Variants in TAGAP observed in about 807,000 individuals in gnomAD.
TAGAP encodes T cell activation RhoGTPase activating protein.
A neutral mutation model predicts 36.0 loss-of-function variants in TAGAP; 16 were observed. The ratio of observed to expected loss-of-function variants is 0.44; its 90% CI spans 0.30 to 0.68. TAGAP has a LOEUF of 0.68. TAGAP is among the 30% of genes least tolerant of loss of function. The pLI is 0.09. For synonymous variants in TAGAP, 372 were observed against 377.4 expected (o/e 0.99, Z 0.17); for missense variants, 794 against 921.5 (o/e 0.86, Z 1.79).
Position 159,041,279 on chromosome 6 carries a change from C to T in TAGAP, c.477+75G>A, listed in dbSNP as rs762047271. 8 of 1,556,282 alleles carry T rather than the reference C, an allele frequency of 5.1e-6. No individual in the cohort carries two copies. The highest frequency in any genetic ancestry group is 1.9e-5 in the Admixed American group (1 of 53,848). On this transcript the variant is annotated intron_variant, in intron 6 of 9. Transcript: ENST00000367066. The surrounding 1 kb of genome is among the most constrained non-coding windows in gnomAD (Gnocchi z 4.1). ...TACCTTGCTGTGTGGGGAGAAGAGC[C>T]TATTTCTTGCATCCTGAGAATGAGT... is the stretch of plus-strand genomic sequence containing the variant.
chr6:159,036,263 C>A lies in TAGAP; in HGVS notation c.1760G>T (p.Trp587Leu). 6.2e-7 allele frequency: 1 copy of A among 1,612,762 alleles called. No individual in the cohort carries two copies. Among genetic ancestry groups the A allele is most frequent in the South Asian group, 1.1e-5 (1 of 91,056 alleles). Residue 587 changes from tryptophan to leucine, a missense_variant, in exon 10 of 10, where the codon TGG becomes TTG. Coordinates refer to ENST00000367066, the MANE Select transcript of TAGAP (RefSeq NM_054114.5). This position sits in a 1 kb window ranked among gnomAD's most constrained non-coding sequence, Gnocchi z 4.9. ...SVDDVFQGAD[W>L]ERPGSPPSYE... is the part of the protein sequence containing the mutation. ...AGAGGGTGGGCTTCCAGGCCTCTCC[C>A]AGTCAGCTCCCTGGAACACATCATC... is the stretch of plus-strand genomic sequence containing the variant.
In TAGAP at chr6:159,041,381, G is replaced by A. The variant is rs1382853179; in HGVS notation, c.450C>T (p.Pro150=). 11 of 1,614,018 alleles carry A rather than the reference G, an allele frequency of 6.8e-6. No homozygotes were observed. The highest frequency in any genetic ancestry group is 1.7e-5 in the Admixed American group (1 of 60,022). The change falls in exon 6 of 10, where the codon CCC becomes CCT. Residue 150 remains proline (P), a synonymous_variant. Coordinates refer to ENST00000367066, the MANE Select transcript of TAGAP (RefSeq NM_054114.5). The surrounding 1 kb of genome is among the most constrained non-coding windows in gnomAD (Gnocchi z 4.1). ...SGDAVDLERL[P]VHLLAVVFKD... Reference sequence around the variant, plus strand: ...TAAAGACCACAGCGAGGAGGTGCACGGGGAGCCTCTCCAGATCCACCGCAT... The same window carrying A: ...TAAAGACCACAGCGAGGAGGTGCACAGGGAGCCTCTCCAGATCCACCGCAT...
At position 159,041,562 on chromosome 6, in the gene TAGAP, T is replaced by G. The variant is rs377374288; in HGVS notation, c.316-47A>C. The G allele has an allele frequency of 1.9e-6, 3 of 1,577,338 alleles. No individual in the cohort carries two copies. The highest frequency in any genetic ancestry group is 8.6e-7 in the Non-Finnish European group (1 of 1,161,104). On this transcript the variant is annotated intron_variant, in intron 5 of 9. Transcript: ENST00000367066. This position sits in a 1 kb window ranked among gnomAD's most constrained non-coding sequence, Gnocchi z 4.1. ...ACAGGAAAGGGTTACCCTTCTTCTT[T>G]AGTATACTGAGATAGTCTTAACAGG...
Position 159,041,006 on chromosome 6 carries a change from CCT to C in TAGAP, c.478-176_478-175del. 1 of 605,932 alleles carries C rather than the reference CCT, an allele frequency of 1.7e-6. No individual in the cohort carries two copies. Among genetic ancestry groups the C allele is most frequent in the South Asian group, 2.1e-5 (1 of 46,688 alleles). 37.5% of individuals were successfully genotyped at this position (605,932 alleles called of 1,614,324 possible). ...GGAACCCTCTCTCCAACACCCTTGG[CCT>C]CTCTGCAACTTTCTAACATCAGGCA... is the stretch of plus-strand genomic sequence containing the variant. On this transcript the variant is annotated intron_variant, in intron 6 of 9. Coordinates refer to ENST00000367066, the MANE Select transcript of TAGAP (RefSeq NM_054114.5). The surrounding 1 kb of genome is among the most constrained non-coding windows in gnomAD (Gnocchi z 4.1).
At chr6:159,040,629 G>A in intron 7 of TAGAP, 94 bp downstream of exon 7, 1 of 1,052,866 alleles carries the variant, frequency 9.5e-7, no homozygotes, top group Non-Finnish European at 1.5e-6. Context: ...AATTCTCATG[G>A]AACAGGGATC....
Position 159,037,967 on chromosome 6 carries a change from A to G in TAGAP, c.898+147T>C. On this transcript the variant is annotated intron_variant, in intron 9 of 9. Transcript: ENST00000367066. The surrounding 1 kb of genome is among the most constrained non-coding windows in gnomAD (Gnocchi z 5.1). ...GCCCGGAGCAGGGTTTTCATGTTTA[A>G]TGACTTCCTAATGGACTGGAGTCTA... 1 of 524,184 alleles carries G rather than the reference A, an allele frequency of 1.9e-6. No homozygotes were observed. 32.5% of individuals were successfully genotyped at this position (524,184 alleles called of 1,614,324 possible). A position where few individuals can be genotyped will look rare whatever the true frequency, so the allele number is the denominator to read the frequency against.
chr6:159,038,749 A>G (rs569918303), intron 8 of TAGAP, among the ~76,000 whole-genome samples: 9 of 152,300 alleles, frequency 5.9e-5, no homozygotes, highest in African/African-American at 1.9e-4. Flanking sequence ...TAAATTTAAG[A>G]ACTTAAAAAA....
Position 159,037,101 on chromosome 6 carries a change from AG to A in TAGAP, c.921del (p.Ser308GlnfsTer52). ...TCAGGGTCGTTGCTGTCGTAGGCTG[AG>A]TCATTCTGCAGGGTCGACACATCTG... Reference protein sequence around the residue: ...DSSDVSTLQNDSAYDSNDPDV... With the variant: ...DSSDVSTLQNXSAYDSNDPDV... On this transcript the variant is annotated frameshift_variant, in exon 10 of 10. Transcript: ENST00000367066. LOFTEE classifies it low-confidence loss of function (END_TRUNC). The surrounding 1 kb of genome is among the most constrained non-coding windows in gnomAD (Gnocchi z 5.1). 6.2e-7 allele frequency: 1 copy of A among 1,611,272 alleles called. No individual in the cohort carries two copies. The highest frequency in any genetic ancestry group is 8.5e-7 in the Non-Finnish European group (1 of 1,179,986).
rs754331104 is a variant in TAGAP, at chr6:159,036,099, G to A, written c.1924C>T (p.His642Tyr). ...CCCCTGTGTCTTGAGTCCTCTACGTGGTGAGCAGGTGGAAGAGGGGGTAGG... is the reference window on the plus strand; with the variant it reads ...CCCCTGTGTCTTGAGTCCTCTACGTAGTGAGCAGGTGGAAGAGGGGGTAGG... Reference protein sequence around the residue: ...CLLPPLPPAHHVEDSRHRGSK... With the variant: ...CLLPPLPPAHYVEDSRHRGSK... The change falls in exon 10 of 10, where the codon CAC becomes TAC. Residue 642 changes from histidine (H) to tyrosine (Y), a missense_variant. By Grantham distance (83) the His-to-Tyr change is moderately conservative (BLOSUM62 2). Coordinates refer to ENST00000367066, the MANE Select transcript of TAGAP (RefSeq NM_054114.5). The surrounding 1 kb of genome is among the most constrained non-coding windows in gnomAD (Gnocchi z 4.9). 2.3e-5 allele frequency: 37 copies of A among 1,613,698 alleles called. No homozygotes were observed. The highest frequency in any genetic ancestry group is 3.0e-5 in the Non-Finnish European group (35 of 1,179,848).
chr6:159,036,989 G>C lies in TAGAP; in HGVS notation c.1034C>G (p.Ala345Gly). The C allele has an allele frequency of 1.2e-6, 2 of 1,613,712 alleles. No homozygotes were observed. Among genetic ancestry groups the C allele is most frequent in the Non-Finnish European group, 1.7e-6 (2 of 1,179,914 alleles). Residue 345 changes from alanine to glycine, a missense_variant, in exon 10 of 10, where the codon GCG becomes GGG. Coordinates refer to ENST00000367066, the MANE Select transcript of TAGAP (RefSeq NM_054114.5). The surrounding 1 kb of genome is among the most constrained non-coding windows in gnomAD (Gnocchi z 4.9). ...PMATAAGLDSAGPQDAREVSP... is the reference protein window; with the variant it reads ...PMATAAGLDSGGPQDAREVSP... ...GACCTCTCGGGCATCCTGTGGGCCCGCGCTATCCAAGCCAGCAGCTGTGGC... is the reference window on the plus strand; with the variant it reads ...GACCTCTCGGGCATCCTGTGGGCCCCCGCTATCCAAGCCAGCAGCTGTGGC...
Position 159,035,039 on chromosome 6 carries a change from T to A in TAGAP, c.*788A>T, listed in dbSNP as rs2114778234. ...GCAATTTATTGTAGTGAAATTACAT[T>A]GAAGTTTTATATATGACCCCCAATG... is the stretch of plus-strand genomic sequence containing the variant. On this transcript the variant is annotated 3_prime_UTR_variant, in exon 10 of 10. Coordinates refer to ENST00000367066, the MANE Select transcript of TAGAP (RefSeq NM_054114.5). 6.6e-6 allele frequency: 1 copy of A among 152,456 alleles called. No individual in the cohort carries two copies. The highest frequency in any genetic ancestry group is 6.5e-5 in the Admixed American group (1 of 15,296). 9.4% of individuals were successfully genotyped at this position (152,456 alleles called of 1,614,324 possible). A position where few individuals can be genotyped will look rare whatever the true frequency, so the allele number is the denominator to read the frequency against.
In TAGAP at chr6:159,041,997, G is replaced by T. The variant is rs1164929902; in HGVS notation, c.315+81C>A. On this transcript the variant is annotated intron_variant, in intron 5 of 9. Transcript: ENST00000367066. This position sits in a 1 kb window ranked among gnomAD's most constrained non-coding sequence, Gnocchi z 4.1. ...AGATCAGTCCCTACAAACTTAATAG[G>T]AGAATGACATTCAGATTTCCCGAGT... 45 of 1,471,468 alleles carry T rather than the reference G, an allele frequency of 3.1e-5. No homozygotes were observed. The highest frequency in any genetic ancestry group is 4.1e-5 in the Non-Finnish European group (44 of 1,076,860). 91.2% of individuals were successfully genotyped at this position (1,471,468 alleles called of 1,614,324 possible). A position where few individuals can be genotyped will look rare whatever the true frequency, so the allele number is the denominator to read the frequency against.
chr6:159,035,935 G>T lies in TAGAP; in HGVS notation c.2088C>A (p.Thr696=), dbSNP rs1258228919. 6.2e-7 allele frequency: 1 copy of T among 1,614,014 alleles called. No homozygotes were observed. Among genetic ancestry groups the T allele is most frequent in the African/African-American group, 1.3e-5 (1 of 74,910 alleles). Residue 696 remains threonine, a synonymous_variant, in exon 10 of 10, where the codon ACC becomes ACA. Transcript: ENST00000367066. The part of the protein sequence containing the change: ...PGRPELLPLR[T]VSESVQRNKR... The stretch of plus-strand genomic sequence containing the variant: ...TATTCCTCTGCACGGACTCGGAGAC[G>T]GTCCTCAGCGGGAGGAGCTCAGGTC...
Position 159,044,494 on chromosome 6 carries a change from G to A in TAGAP, c.-58-290C>T, listed in dbSNP as rs114723847. Among the ~76,000 whole-genome samples, 872 of 152,066 alleles carry A rather than the reference G, an allele frequency of 5.7e-3. 5 individuals carry two copies. The highest frequency in any genetic ancestry group is 0.02 in the African/African-American group (831 of 41,460). ...CTAAACGTTGTTACCAATTTATTCCGTTCCATCAAGAGATAATCTGGATAT... is the reference window on the plus strand; with the variant it reads ...CTAAACGTTGTTACCAATTTATTCCATTCCATCAAGAGATAATCTGGATAT... On this transcript the variant is annotated intron_variant, in intron 1 of 9. Coordinates refer to ENST00000367066, the MANE Select transcript of TAGAP (RefSeq NM_054114.5).
chr6:159,039,726 A>G (rs988063200), intron 7 of TAGAP, among the ~76,000 whole-genome samples: 5 of 152,250 alleles, frequency 3.3e-5, no homozygotes, highest in Middle Eastern at 3.2e-3. Context: ...GACGGAAACA[A>G]AACTATAATT....
chr6:159,035,091 A>G lies in TAGAP; in HGVS notation c.*736T>C, dbSNP rs146065555. ...ATATAAAATCATTTACCTCCACATT[A>G]TAGGATAGGATATCATGAACTACAA... On this transcript the variant is annotated 3_prime_UTR_variant, in exon 10 of 10. Coordinates refer to ENST00000367066, the MANE Select transcript of TAGAP (RefSeq NM_054114.5). 4.6e-5 allele frequency: 7 copies of G among 152,504 alleles called. No individual in the cohort carries two copies. Among genetic ancestry groups the G allele is most frequent in the African/African-American group, 1.7e-4 (7 of 41,584 alleles). The allele number at this position is 152,504 out of a possible 1,614,324, so 9.4% of individuals were successfully genotyped here. A position where few individuals can be genotyped will look rare whatever the true frequency, so the allele number is the denominator to read the frequency against.
intron 7 of TAGAP, among the ~76,000 whole-genome samples, chr6:159,039,537 A>G (rs912300061): frequency 2.6e-5 from 4 of 152,214 alleles, no homozygotes; most frequent in Admixed American, 2.6e-4. Flanking sequence ...TGTAATTGGG[A>G]CACCAATAAC....
chr6:159,041,183 C>G lies in TAGAP; in HGVS notation c.477+171G>C. 1 of 839,298 alleles carries G rather than the reference C, an allele frequency of 1.2e-6. No individual in the cohort carries two copies. The allele number at this position is 839,298 out of a possible 1,614,324, so 52.0% of individuals were successfully genotyped here. A position where few individuals can be genotyped will look rare whatever the true frequency, so the allele number is the denominator to read the frequency against. ...CACTTTCTGTTGGAATCTGAGGTCA[C>G]AGAAACAGAGGTGCTTACTAAATAA... On this transcript the variant is annotated intron_variant, in intron 6 of 9. Transcript: ENST00000367066. This position sits in a 1 kb window ranked among gnomAD's most constrained non-coding sequence, Gnocchi z 4.1.
chr6:159,043,578 T>C lies in TAGAP; in HGVS notation c.148+11A>G. The C allele has an allele frequency of 6.2e-7, 1 of 1,613,864 alleles. No homozygotes were observed. The highest frequency in any genetic ancestry group is 8.5e-7 in the Non-Finnish European group (1 of 1,179,756). On this transcript the variant is annotated intron_variant, in intron 4 of 9. Coordinates refer to ENST00000367066, the MANE Select transcript of TAGAP (RefSeq NM_054114.5). ...ACTTACATAAAAGATCGGTATGTTT[T>C]TAAAACTCACCAATGAGCTGGCAAA...
Sources: allele counts gnomAD v4.1 joint callset (sites outside exome capture counted in the v4.1 genomes callset), GRCh38; gene constraint gnomAD v4.1.1; non-coding constraint Gnocchi (gnomAD v3.1); transcripts MANE v1.5; gene names NCBI Gene and HGNC (gene_info 2026-07-23, HGNC 2026-07-21).